Variants in CCDC148 observed in about 807,000 individuals in gnomAD.
CCDC148 encodes coiled-coil domain containing 148.
Under a neutral mutation model 85.7 loss-of-function variants are expected in CCDC148, and 89 were observed. The observed-to-expected ratio is 1.04, with a 90% CI of 0.87 to 1.24. CCDC148 has a LOEUF of 1.24. Among genes scored for constraint, CCDC148 ranks in the 50% most tolerant of loss-of-function variants. CCDC148 has a pLI of 0.00. For synonymous variants in CCDC148, 230 were observed against 213.9 expected (o/e 1.08, Z -0.66); for missense variants, 692 against 671.7 (o/e 1.03, Z -0.33).
chr2:158,429,111 G>A (rs1404884316), intron 1 of CCDC148, among the ~76,000 whole-genome samples: 17 of 130,402 alleles, frequency 1.3e-4, no homozygotes, highest in African/African-American at 4.3e-4. Flanking sequence ...ACAGGGTGGG[G>A]AACATCACAC....
At chr2:158,376,028 G>C (rs1398739967) in intron 1 of CCDC148, among the ~76,000 whole-genome samples, 1 of 152,078 alleles carries the variant, frequency 6.6e-6, no homozygotes, top group Admixed American at 6.6e-5. Flanking sequence ...CCTCAACTGA[G>C]ATAGACTGGG....
chr2:158,435,954 C>G (rs1341560479), intron 1 of CCDC148, among the ~76,000 whole-genome samples: 2 of 152,176 alleles, frequency 1.3e-5, no homozygotes, highest in Admixed American at 1.3e-4. Context: ...GCACCCAATA[C>G]AGGAGCACCC....
At chr2:158,378,835 A>T (rs1362762133) in intron 1 of CCDC148, among the ~76,000 whole-genome samples, 1 of 152,166 alleles carries the variant, frequency 6.6e-6, no homozygotes, top group Non-Finnish European at 1.5e-5. Flanking sequence ...TACTGCTCAG[A>T]AGAAAAGATT....
chr2:158,351,255 C>T (rs1167246470), intron 2 of CCDC148, among the ~76,000 whole-genome samples: 1 of 152,224 alleles, frequency 6.6e-6, no homozygotes, highest in African/African-American at 2.4e-5. Flanking sequence ...ATAGGAACAG[C>T]TCCGGTCTAC....
At chr2:158,274,673 A>AT (rs1226669442) in intron 9 of CCDC148, among the ~76,000 whole-genome samples, 2 of 152,352 alleles carry the variant, frequency 1.3e-5, no homozygotes, top group East Asian at 3.9e-4. Context: ...AAAAGGGAGC[A>AT]TTGGGTCTAA....
Position 158,340,363 on chromosome 2 carries a change from T to C in CCDC148, c.365A>G (p.Tyr122Cys). Residue 122 changes from tyrosine to cysteine, a missense_variant, in exon 5 of 14, where the codon TAT becomes TGT. Physicochemically the swap from Tyr to Cys is radical, Grantham distance 194. Coordinates refer to ENST00000283233, the MANE Select transcript of CCDC148 (RefSeq NM_138803.4). Reference protein sequence around the residue: ...EQELSEQQCTYLKNVINPIQQ... With the variant: ...EQELSEQQCTCLKNVINPIQQ... ...AATAGGATTTATTACATTTTTAAGA[T>C]ATGTGCACTGTTGTTCTGATAGCTC... The C allele has an allele frequency of 6.2e-7, 1 of 1,613,934 alleles. No individual in the cohort carries two copies. Among genetic ancestry groups the C allele is most frequent in the South Asian group, 1.1e-5 (1 of 91,086 alleles).
intron 13 of CCDC148, among the ~76,000 whole-genome samples, chr2:158,172,648 A>ATT (rs1684374464): frequency 6.6e-6 from 1 of 152,112 alleles, no homozygotes; most frequent in Non-Finnish European, 1.5e-5. Context: ...AAGCATCTTA[A>ATT]TTTCTCCATC....
intron 11 of CCDC148, among the ~76,000 whole-genome samples, chr2:158,179,923 G>A (rs1429996110): frequency 1.3e-5 from 2 of 152,054 alleles, no homozygotes; most frequent in Non-Finnish European, 2.9e-5. Flanking sequence ...TTAAAATATG[G>A]CCCACTTAAA....
At chr2:158,230,485 A>T (rs1687803373) in intron 10 of CCDC148, among the ~76,000 whole-genome samples, 1 of 152,156 alleles carries the variant, frequency 6.6e-6, no homozygotes, top group Non-Finnish European at 1.5e-5. Context: ...AAGACCTCGC[A>T]TATGTTGAGA....
At chr2:158,315,090 A>G (rs889064966) in intron 7 of CCDC148, among the ~76,000 whole-genome samples, 2 of 152,220 alleles carry the variant, frequency 1.3e-5, no homozygotes, top group African/African-American at 4.8e-5. Context: ...GAAGAGGAAT[A>G]CTCTAAAGTT....
At chr2:158,320,764 A>G (rs1692484931) in intron 7 of CCDC148, among the ~76,000 whole-genome samples, 1 of 152,186 alleles carries the variant, frequency 6.6e-6, no homozygotes, top group South Asian at 2.1e-4. Context: ...GAAACCCCTT[A>G]TAAATGATTT....
intron 13 of CCDC148, 98 bp from the exon 14 acceptor site, chr2:158,172,357 G>T: frequency 1.1e-6 from 1 of 899,526 alleles, no homozygotes; most frequent in Non-Finnish European, 1.7e-6. Context: ...TGTTTTTACT[G>T]GACAGATGAC....
chr2:158,180,891 C>A (rs773489863), intron 11 of CCDC148, among the ~76,000 whole-genome samples: 2 of 152,014 alleles, frequency 1.3e-5, no homozygotes, highest in Admixed American at 6.6e-5. Context: ...AGTGTTCTTG[C>A]CAAAATCAGG....
intron 11 of CCDC148, among the ~76,000 whole-genome samples, chr2:158,195,866 G>A (rs1406357634): frequency 6.6e-6 from 1 of 152,126 alleles, no homozygotes; most frequent in Non-Finnish European, 1.5e-5. Context: ...GTGGGCGCAG[G>A]AGGCTTAGGA....
intron 2 of CCDC148, among the ~76,000 whole-genome samples, chr2:158,351,894 G>A (rs1030543023): frequency 1.1e-4 from 17 of 149,522 alleles, no homozygotes; most frequent in Admixed American, 2.7e-4. Context: ...CGGGCAGACT[G>A]CCTCCTCAAG....
intron 1 of CCDC148, among the ~76,000 whole-genome samples, chr2:158,391,768 A>G (rs950198055): frequency 1.3e-5 from 2 of 152,172 alleles, no homozygotes; most frequent in Non-Finnish European, 2.9e-5. Context: ...TAAAGTTGTA[A>G]TCATTTATCA....
intron 11 of CCDC148, among the ~76,000 whole-genome samples, chr2:158,182,675 G>T (rs2105265137): frequency 6.6e-6 from 1 of 152,200 alleles, no homozygotes; most frequent in African/African-American, 2.4e-5. Context: ...GATTGGCCAT[G>T]AAAAAATTTC....
intron 1 of CCDC148, among the ~76,000 whole-genome samples, chr2:158,409,304 C>T (rs1252305139): frequency 8.5e-5 from 13 of 152,268 alleles, no homozygotes; most frequent in Admixed American, 6.5e-4. Flanking sequence ...AGACACTAAA[C>T]GACAGCCCAT....
rs1456417862 is a variant in CCDC148 at position 158,199,847 on chromosome 2, T to G, written c.1370+20748A>C. Among the ~76,000 whole-genome samples the G allele has an allele frequency of 6.6e-5, 10 of 152,332 alleles. 1 individual carries two copies. In the South Asian group the frequency reaches 2.1e-3, roughly 32 times the overall value. On this transcript the variant is annotated intron_variant, in intron 11 of 13. Coordinates refer to ENST00000283233, the MANE Select transcript of CCDC148 (RefSeq NM_138803.4). ...ATATAAATCATCCACTTGTGTCTCA[T>G]GATAATTAAAGATTGGTGCTTAAAG... is the stretch of plus-strand genomic sequence containing the variant.
Sources: allele counts gnomAD v4.1 joint callset (sites outside exome capture counted in the v4.1 genomes callset), GRCh38; gene constraint gnomAD v4.1.1; transcripts MANE v1.5; gene names NCBI Gene and HGNC (gene_info 2026-07-23, HGNC 2026-07-21).